Variants in CNTN5 observed in about 807,000 individuals in gnomAD.
CNTN5 encodes contactin-5.
Under a neutral mutation model 129.1 loss-of-function variants are expected in CNTN5, and 77 were observed. That is an observed-to-expected ratio of 0.60 (90% CI 0.50 to 0.72). The LOEUF (loss-of-function observed/expected upper bound fraction) is 0.72. Ranked by LOEUF, CNTN5 falls within the 30% of genes least tolerant of loss-of-function variation. CNTN5 has a pLI of 0.00. For missense variants in CNTN5, 1,478 were observed against 1,328.8 expected (o/e 1.11, Z -1.75); for synonymous variants, 509 against 465.6 (o/e 1.09, Z -1.20).
intron 3 of CNTN5, among the ~76,000 whole-genome samples, chr11:99,777,328 A>C (rs1945158216): frequency 1.3e-5 from 2 of 151,872 alleles, no homozygotes; most frequent in South Asian, 4.1e-4. Flanking sequence ...ATCTCATCAA[A>C]GAAATAAAAG....
chr11:99,611,890 G>A (rs932783243), intron 3 of CNTN5, among the ~76,000 whole-genome samples: 7 of 152,084 alleles, frequency 4.6e-5, no homozygotes, highest in African/African-American at 1.7e-4. Flanking sequence ...CACCTAACAT[G>A]GATAATAGAA....
At chr11:99,989,233 A>C (rs1938892572) in intron 8 of CNTN5, among the ~76,000 whole-genome samples, 1 of 152,162 alleles carries the variant, frequency 6.6e-6, no homozygotes, top group Admixed American at 6.5e-5. Flanking sequence ...CTGAATATTT[A>C]ATTGTTGAAT....
intron 13 of CNTN5, among the ~76,000 whole-genome samples, chr11:100,137,770 G>A (rs2138239131): frequency 6.6e-6 from 1 of 152,172 alleles, no homozygotes; most frequent in Admixed American, 6.6e-5. Flanking sequence ...ATGATTAATT[G>A]AAATACATTA....
At chr11:99,867,634 T>A (rs1948390886) in intron 6 of CNTN5, among the ~76,000 whole-genome samples, 2 of 152,198 alleles carry the variant, frequency 1.3e-5, no homozygotes, top group African/African-American at 4.8e-5. Flanking sequence ...CATCATCACA[T>A]CTGTCCTGAC....
At chr11:99,035,146 A>G (rs1357654029) in intron 1 of CNTN5, among the ~76,000 whole-genome samples, 1 of 150,650 alleles carries the variant, frequency 6.6e-6, no homozygotes, top group Non-Finnish European at 1.5e-5. Flanking sequence ...AGTTTGTTAT[A>G]ATTTCTGTTC....
chr11:99,201,351 T>TTTCCTTTCCTTCCTTCCTTCCTTCC (rs1859184179), intron 1 of CNTN5, among the ~76,000 whole-genome samples: 2 of 88,154 alleles, frequency 2.3e-5, no homozygotes, highest in Non-Finnish European at 4.3e-5. Flanking sequence ...CTTCCTTTCC[T>TTTCCTTTCCTTCCTTCCTTCCTTCC]TTCCTTCCTT....
At chr11:100,109,881 T>C (rs1945586981) in intron 13 of CNTN5, among the ~76,000 whole-genome samples, 1 of 152,120 alleles carries the variant, frequency 6.6e-6, no homozygotes, top group African/African-American at 2.4e-5. Context: ...GCTGTCTAAC[T>C]AGAAAGGCAA....
At chr11:99,084,710 A>G (rs1186967204) in intron 1 of CNTN5, among the ~76,000 whole-genome samples, 1 of 152,142 alleles carries the variant, frequency 6.6e-6, no homozygotes, top group African/African-American at 2.4e-5. Context: ...TATTGTGCTA[A>G]TAATATGATA....
At chr11:100,039,257 G>C (rs191990629) in intron 9 of CNTN5, among the ~76,000 whole-genome samples, 1 of 152,136 alleles carries the variant, frequency 6.6e-6, no homozygotes, top group Non-Finnish European at 1.5e-5. Context: ...TGAAATTCTA[G>C]GTTGAAAATT....
At chr11:100,008,584 A>G (rs1024330562) in intron 9 of CNTN5, among the ~76,000 whole-genome samples, 1 of 152,090 alleles carries the variant, frequency 6.6e-6, no homozygotes, top group African/African-American at 2.4e-5. Context: ...ATTGCATTAT[A>G]TCTTCAAATA....
rs187161902 is a variant in CNTN5 at position 100,141,118 on chromosome 11, C to T, written c.1581-50008C>T. On this transcript the variant is annotated intron_variant, in intron 13 of 24. Coordinates refer to ENST00000524871, the MANE Select transcript of CNTN5 (RefSeq NM_014361.4). ...ATGGTGATGACTGAAGCTTCATTTCCATAGGGCACGTGGTTGGGGGGAGGC... is the reference window on the plus strand; with the variant it reads ...ATGGTGATGACTGAAGCTTCATTTCTATAGGGCACGTGGTTGGGGGGAGGC... 1.5e-3 allele frequency among the ~76,000 whole-genome samples: 227 copies of T among 152,036 alleles called. 2 individuals are homozygous for T. The highest frequency in any genetic ancestry group is 2.4e-3 in the Non-Finnish European group (165 of 67,986).
intron 16 of CNTN5, among the ~76,000 whole-genome samples, chr11:100,244,631 A>G (rs1200875904): frequency 6.6e-6 from 1 of 152,170 alleles, no homozygotes; most frequent in Non-Finnish European, 1.5e-5. Flanking sequence ...TTTTTGCTCT[A>G]AAATTCTTTT....
At chr11:99,709,601 A>C (rs899933404) in intron 3 of CNTN5, among the ~76,000 whole-genome samples, 5 of 151,896 alleles carry the variant, frequency 3.3e-5, no homozygotes, top group African/African-American at 1.2e-4. Flanking sequence ...ATAGTTTATA[A>C]ATTTCACATT....
chr11:100,245,933 A>C (rs1339841343), intron 16 of CNTN5, among the ~76,000 whole-genome samples: 2 of 152,140 alleles, frequency 1.3e-5, no homozygotes, highest in African/African-American at 4.8e-5. Context: ...CACTTAGCAC[A>C]ATGCCTTCTA....
chr11:99,378,787 CA>C (rs1233922091), intron 2 of CNTN5, among the ~76,000 whole-genome samples: 1 of 151,918 alleles, frequency 6.6e-6, no homozygotes, highest in Non-Finnish European at 1.5e-5. Flanking sequence ...AGGTTCACTG[CA>C]ATTAAATCAT....
In CNTN5 at chr11:100,347,747, C is replaced by T. The variant is rs1952316988; in HGVS notation, c.3031-2955C>T. 2.0e-5 allele frequency among the ~76,000 whole-genome samples: 3 copies of T among 152,088 alleles called. No individual in the cohort carries two copies. In the South Asian group the frequency reaches 6.2e-4, roughly 32 times the overall value. On this transcript the variant is annotated intron_variant, in intron 23 of 24. Coordinates refer to ENST00000524871, the MANE Select transcript of CNTN5 (RefSeq NM_014361.4). Reference sequence around the variant, plus strand: ...GTCTTACTGACTCCTTCCTTCCCATCCCATTGTCACCGAGGCTTTAGATTC... The same window carrying T: ...GTCTTACTGACTCCTTCCTTCCCATTCCATTGTCACCGAGGCTTTAGATTC...
intron 1 of CNTN5, among the ~76,000 whole-genome samples, chr11:99,229,457 G>T (rs1225528371): frequency 1.4e-5 from 2 of 147,244 alleles, no homozygotes; most frequent in African/African-American, 5.0e-5. Context: ...CCTCAGTCGT[G>T]AAGTTTGAAA....
At chr11:99,369,519 G>T (rs1303888604) in intron 2 of CNTN5, among the ~76,000 whole-genome samples, 1 of 151,402 alleles carries the variant, frequency 6.6e-6, no homozygotes, top group Non-Finnish European at 1.5e-5. Context: ...TTCCAAACTT[G>T]ATATAATTGT....
chr11:100,184,085 C>T (rs556083447), intron 13 of CNTN5, among the ~76,000 whole-genome samples: 1 of 152,276 alleles, frequency 6.6e-6, no homozygotes, highest in Admixed American at 6.5e-5. Context: ...TAAGAAGAGA[C>T]TTAACTACTT....
Sources: gnomAD v4.1 joint callset for allele counts (sites outside exome capture counted in the v4.1 genomes callset) on GRCh38, gnomAD v4.1.1 for gene constraint, MANE v1.5 for transcripts, NCBI Gene and HGNC (gene_info 2026-07-23, HGNC 2026-07-21) for gene names.